The following SMYD3 variants were observed in gnomAD, a reference collection of about 807,000 sequenced individuals.
The protein encoded by SMYD3 is SET and MYND domain containing 3.
SMYD3 carries 36 observed loss-of-function variants against 57.7 expected under a neutral mutation model. The ratio of observed to expected loss-of-function variants is 0.62; its 90% confidence interval spans 0.48 to 0.82. The LOEUF is 0.82. Among genes scored for constraint, SMYD3 ranks in the 40% least tolerant of loss-of-function variants. The pLI is 0.00. For synonymous variants in SMYD3, 211 were observed against 195.0 expected (o/e 1.08, Z -0.68); for missense variants, 515 against 538.8 (o/e 0.96, Z 0.44).
At chr1:245,820,651 G>A (rs1000602192) in intron 10 of SMYD3, among the ~76,000 whole-genome samples, 2 of 152,146 alleles carry the variant, frequency 1.3e-5, no homozygotes, top group South Asian at 2.1e-4. Context: ...AAACCCCATC[G>A]TCTGAGCCCA....
intron 5 of SMYD3, chr1:246,321,535 T>TG (rs2065248272): frequency 6.6e-6 from 1 of 152,172 alleles, no homozygotes; most frequent in Non-Finnish European, 1.5e-5. Context: ...TGTTTTGAGT[T>TG]GGGGTCTCAC....
chr1:246,364,539 G>T (rs779053505), intron 1 of SMYD3, among the ~76,000 whole-genome samples: 4 of 152,164 alleles, frequency 2.6e-5, no homozygotes, highest in Non-Finnish European at 4.4e-5. Flanking sequence ...AAAGTAGATG[G>T]AGTAGTACAC....
At chr1:245,812,726 C>T (rs2048547422) in intron 10 of SMYD3, among the ~76,000 whole-genome samples, 3 of 120,610 alleles carry the variant, frequency 2.5e-5, no homozygotes, top group Admixed American at 8.6e-5. Flanking sequence ...AGAGAAAGAG[C>T]GAGCGAGAGA....
At chr1:246,311,975 C>T (rs987115589) in intron 5 of SMYD3, among the ~76,000 whole-genome samples, 3 of 151,920 alleles carry the variant, frequency 2.0e-5, no homozygotes, top group Admixed American at 6.5e-5. Context: ...GACAATGCAA[C>T]GTGAAGGAAT....
At chr1:246,277,476 CCAA>C (rs1274194128) in intron 5 of SMYD3, among the ~76,000 whole-genome samples, 2 of 151,564 alleles carry the variant, frequency 1.3e-5, no homozygotes, top group African/African-American at 2.4e-5. Context: ...ACCACCACCA[CCAA>C]CAACAACAAC....
At chr1:246,006,419 A>T (rs12731418) in intron 5 of SMYD3, among the ~76,000 whole-genome samples, 66,323 of 151,778 alleles carry the variant, frequency 0.44, 17,639 homozygotes, top group Non-Finnish European at 0.6. Flanking sequence ...ACCAAAGGGG[A>T]ACTGGGACGT....
chr1:245,798,388 G>GTA (rs2047650212), intron 10 of SMYD3, among the ~76,000 whole-genome samples: 1 of 2,376 alleles, frequency 4.2e-4, no homozygotes, highest in East Asian at 0.013. Flanking sequence ...ACACACACAC[G>GTA]CGCACACACA....
intron 5 of SMYD3, among the ~76,000 whole-genome samples, chr1:246,253,943 G>T (rs1160519384): frequency 6.6e-6 from 1 of 152,122 alleles, no homozygotes; most frequent in Non-Finnish European, 1.5e-5. Flanking sequence ...CACAGTGGCT[G>T]AACTAGGTTT....
chr1:246,330,390 C>G (rs941689805), intron 4 of SMYD3, 90 bp downstream of exon 4: 1 of 1,044,952 alleles, frequency 9.6e-7, no homozygotes, highest in African/African-American at 1.6e-5. Flanking sequence ...TATAAAGAAA[C>G]AGAAAAACAT....
At chr1:245,970,760 C>T (rs1049206500) in intron 5 of SMYD3, among the ~76,000 whole-genome samples, 2 of 152,118 alleles carry the variant, frequency 1.3e-5, no homozygotes, top group Admixed American at 1.3e-4. Flanking sequence ...CCATCTCACA[C>T]CAGTTAGAAT....
chr1:245,895,639 TTTC>T (rs1434425088), intron 8 of SMYD3, among the ~76,000 whole-genome samples: 3 of 152,262 alleles, frequency 2.0e-5, no homozygotes, highest in African/African-American at 7.2e-5. Flanking sequence ...CATTCTTTCA[TTTC>T]TTCTTCTTCA....
chr1:245,751,600 G>A (rs1452264460), intron 11 of SMYD3, among the ~76,000 whole-genome samples: 7 of 146,172 alleles, frequency 4.8e-5, no homozygotes, highest in Non-Finnish European at 1.0e-4. Flanking sequence ...GAGAAAGAGA[G>A]AGAGAGAAAG....
At chr1:246,041,352 T>C (rs947386505) in intron 5 of SMYD3, among the ~76,000 whole-genome samples, 1 of 152,212 alleles carries the variant, frequency 6.6e-6, no homozygotes, top group Non-Finnish European at 1.5e-5. Context: ...AATGACTTCA[T>C]GTTTCTCACT....
chr1:246,063,755 T>A (rs1572965723), intron 5 of SMYD3, among the ~76,000 whole-genome samples: 1 of 152,032 alleles, frequency 6.6e-6, no homozygotes, highest in East Asian at 1.9e-4. Flanking sequence ...TTCTCCTGCC[T>A]CAGCCTCCCG....
At chr1:245,790,755 T>C (rs1038387456) in intron 10 of SMYD3, among the ~76,000 whole-genome samples, 1 of 152,224 alleles carries the variant, frequency 6.6e-6, no homozygotes, top group African/African-American at 2.4e-5. Context: ...GAAAGATGAC[T>C]GAACAGCTTT....
At chr1:246,466,573 G>C (rs1217885924) in intron 1 of SMYD3, among the ~76,000 whole-genome samples, 1 of 152,162 alleles carries the variant, frequency 6.6e-6, no homozygotes, top group African/African-American at 2.4e-5. Flanking sequence ...ATAACTGTTG[G>C]ATACTAGACT....
intron 5 of SMYD3, among the ~76,000 whole-genome samples, chr1:245,953,711 G>A (rs1241153077): frequency 6.6e-6 from 1 of 152,092 alleles, no homozygotes; most frequent in African/African-American, 2.4e-5. Context: ...GAGCCACCGT[G>A]CCTGGCCAAG....
At chr1:246,368,040 TC>T (rs1487114113) in intron 1 of SMYD3, among the ~76,000 whole-genome samples, 1 of 152,168 alleles carries the variant, frequency 6.6e-6, no homozygotes, top group Non-Finnish European at 1.5e-5. Flanking sequence ...AGTTAAGTCC[TC>T]TCTTCTGGGT....
chr1:246,395,315 C>T (rs1054355230), intron 1 of SMYD3, among the ~76,000 whole-genome samples: 31 of 152,306 alleles, frequency 2.0e-4, no homozygotes, highest in South Asian at 2.1e-4. Flanking sequence ...CATTTTGCTC[C>T]ATCCTTCAAA....
Sources: allele counts gnomAD v4.1 joint callset (sites outside exome capture counted in the v4.1 genomes callset), GRCh38; gene constraint gnomAD v4.1.1; transcripts MANE v1.5; gene names NCBI Gene and HGNC (gene_info 2026-07-23, HGNC 2026-07-21).